The following FLVCR1 variants were observed in gnomAD, a reference collection of about 807,000 sequenced individuals.
The protein encoded by FLVCR1 is FLVCR choline and heme transporter 1, also known as choline/ethanolamine transporter FLVCR1.
FLVCR1 carries 34 observed loss-of-function variants against 53.6 expected under a neutral mutation model. The ratio of observed to expected loss-of-function variants is 0.63; its 90% confidence interval spans 0.48 to 0.84. FLVCR1 has a LOEUF of 0.84. FLVCR1 is among the 40% of genes least tolerant of loss of function. The probability of loss-of-function intolerance (pLI) is 0.00; values close to 1 mark genes in which losing one functional copy is unlikely to be tolerated. For missense variants in FLVCR1, 677 were observed against 696.7 expected (o/e 0.97, Z 0.32); for synonymous variants, 300 against 286.3 (o/e 1.05, Z -0.48).
intron 5 of FLVCR1, 85 bp from the exon 6 acceptor site, chr1:212,887,806 C>A: frequency 1.4e-6 from 1 of 725,986 alleles, no homozygotes; most frequent in Admixed American, 2.0e-5. Context: ...AACAAAGATT[C>A]ATTACTGAAC....
At chr1:212,865,484 G>GTTTTTTTTT (rs760623988) in intron 2 of FLVCR1, among the ~76,000 whole-genome samples, 1 of 47,756 alleles carries the variant, frequency 2.1e-5, no homozygotes, top group African/African-American at 7.0e-5. Flanking sequence ...TTGCAATAGG[G>GTTTTTTTTT]ATTTTTTTTT....
intron 2 of FLVCR1, among the ~76,000 whole-genome samples, chr1:212,868,126 G>A (rs774218850): frequency 2.6e-5 from 4 of 152,006 alleles, no homozygotes; most frequent in African/African-American, 7.3e-5. Flanking sequence ...ATGGGGTCTC[G>A]CCCTGTCACC....
chr1:212,866,151 A>G (rs1305302104), intron 2 of FLVCR1, among the ~76,000 whole-genome samples: 1 of 151,794 alleles, frequency 6.6e-6, no homozygotes, highest in East Asian at 1.9e-4. Context: ...TGCCTGGCTA[A>G]TTTTTGTATT....
intron 8 of FLVCR1, among the ~76,000 whole-genome samples, chr1:212,893,065 T>TTTG (rs376805847): frequency 2.8e-5 from 4 of 142,400 alleles, no homozygotes; most frequent in African/African-American, 7.8e-5. Context: ...TCTTTTTTTT[T>TTTG]GGGGGGGGGT....
chr1:212,878,775 G>C (rs1664839686), intron 3 of FLVCR1, among the ~76,000 whole-genome samples: 1 of 151,872 alleles, frequency 6.6e-6, no homozygotes, highest in South Asian at 2.1e-4. Flanking sequence ...ACATTGAAAG[G>C]GATAAAGGGA....
At chr1:212,886,477 G>T (rs552355512) in intron 5 of FLVCR1, among the ~76,000 whole-genome samples, 9 of 152,298 alleles carry the variant, frequency 5.9e-5, no homozygotes, top group African/African-American at 2.2e-4. Flanking sequence ...CCAGACTACA[G>T]TACCACTTAA....
intron 2 of FLVCR1, among the ~76,000 whole-genome samples, chr1:212,871,886 T>A (rs1481089329): frequency 6.6e-6 from 1 of 152,184 alleles, no homozygotes; most frequent in Non-Finnish European, 1.5e-5. Flanking sequence ...ACCACACTTT[T>A]ATGTCTCTTA....
intron 8 of FLVCR1, among the ~76,000 whole-genome samples, chr1:212,892,881 G>T (rs1391580188): frequency 6.6e-6 from 1 of 152,000 alleles, no homozygotes; most frequent in Non-Finnish European, 1.5e-5. Context: ...ACAGGAGTTT[G>T]GAGGAAGTTA....
At chr1:212,889,646 T>C (rs1665140366) in intron 8 of FLVCR1, among the ~76,000 whole-genome samples, 1 of 151,182 alleles carries the variant, frequency 6.6e-6, no homozygotes, top group South Asian at 2.1e-4. Flanking sequence ...TAGCCCCAGC[T>C]ACTTGGGAGG....
chr1:212,868,689 G>A (rs1181621929), intron 2 of FLVCR1, among the ~76,000 whole-genome samples: 1 of 152,142 alleles, frequency 6.6e-6, no homozygotes, highest in Non-Finnish European at 1.5e-5. Flanking sequence ...GATTATAGGC[G>A]TGAACCACCA....
chr1:212,873,916 A>T (rs1221793401), intron 3 of FLVCR1, among the ~76,000 whole-genome samples: 3 of 152,166 alleles, frequency 2.0e-5, no homozygotes, highest in Admixed American at 6.5e-5. Context: ...TCTAATTCCT[A>T]TATACCCATA....
rs1293827489 is a variant in FLVCR1 at position 212,858,419 on chromosome 1, C to T, written c.-34C>T. 3 of 1,421,488 alleles carry T rather than the reference C, an allele frequency of 2.1e-6. No homozygotes were observed. Among genetic ancestry groups the T allele is most frequent in the East Asian group, 5.1e-5 (2 of 39,272 alleles). 88.1% of individuals were successfully genotyped at this position (1,421,488 alleles called of 1,614,324 possible). On this transcript the variant is annotated 5_prime_UTR_variant, in exon 1 of 10. Coordinates refer to ENST00000366971, the MANE Select transcript of FLVCR1 (RefSeq NM_014053.4). ...GGGAGAGCGGAGTCGGGGAGTGGGGCGGGGGAGCGAGGTGGCGCCGGGGAG... is the reference window on the plus strand; with the variant it reads ...GGGAGAGCGGAGTCGGGGAGTGGGGTGGGGGAGCGAGGTGGCGCCGGGGAG...
chr1:212,871,098 T>C (rs1212643361), intron 2 of FLVCR1, among the ~76,000 whole-genome samples: 3 of 152,198 alleles, frequency 2.0e-5, no homozygotes, highest in African/African-American at 4.8e-5. Flanking sequence ...TTACCCTGTT[T>C]CATCAATCTT....
chr1:212,887,708 T>A (rs41300963), intron 5 of FLVCR1, among the ~76,000 whole-genome samples, 183 bp from the exon 6 acceptor site: 2,671 of 152,300 alleles, frequency 0.018, 81 homozygotes, highest in African/African-American at 0.058. Context: ...GGTTTTCTGG[T>A]GCTGCTGAAT....
At chr1:212,868,407 CTTTAT>C (rs574364362) in intron 2 of FLVCR1, among the ~76,000 whole-genome samples, 2 of 151,752 alleles carry the variant, frequency 1.3e-5, no homozygotes, top group African/African-American at 2.4e-5. Flanking sequence ...TATCTATAAA[CTTTAT>C]TTTATTTTAT....
intron 3 of FLVCR1, among the ~76,000 whole-genome samples, chr1:212,882,478 C>T (rs1022518713): frequency 1.3e-5 from 2 of 152,064 alleles, no homozygotes; most frequent in Non-Finnish European, 2.9e-5. Flanking sequence ...AAGCACCAAG[C>T]TCAAGCTAGG....
Position 212,895,006 on chromosome 1 carries a change from C to T in FLVCR1, c.1546C>T (p.Arg516Ter), listed in dbSNP as rs538343832. ...ILTALIKSDL[R>*]RHNINIGITN... ...TTCAGCATTAATCAAGTCTGATCTG[C>T]GAAGACACAACATAAATATAGGAAT... Residue 516 changes from arginine to a stop codon, truncating the protein, a stop_gained, in exon 9 of 10, where the codon CGA (arginine) becomes TGA (stop). Coordinates refer to ENST00000366971, the MANE Select transcript of FLVCR1 (RefSeq NM_014053.4). LOFTEE classifies it high-confidence loss of function. 25 of 1,603,248 alleles carry T rather than the reference C, an allele frequency of 1.6e-5. No homozygotes were observed. The highest frequency in any genetic ancestry group is 1.1e-4 in the African/African-American group (8 of 74,718).
chr1:212,895,171 T>A, intron 9 of FLVCR1, 45 bp from the exon 10 acceptor site: 1 of 1,474,752 alleles, frequency 6.8e-7, no homozygotes, highest in Non-Finnish European at 9.5e-7. Context: ...TATAATAGGA[T>A]ATGCCAGATG....
chr1:212,871,482 A>G (rs929602700), intron 2 of FLVCR1, among the ~76,000 whole-genome samples: 10 of 152,170 alleles, frequency 6.6e-5, no homozygotes, highest in Admixed American at 5.9e-4. Context: ...AGCTCACTGC[A>G]GCCTGTATTC....
Sources: gnomAD v4.1 joint callset for allele counts (sites outside exome capture counted in the v4.1 genomes callset) on GRCh38, gnomAD v4.1.1 for gene constraint, MANE v1.5 for transcripts, NCBI Gene and HGNC (gene_info 2026-07-23, HGNC 2026-07-21) for gene names.